LRRC43: variants seen among roughly 807,000 people sequenced by gnomAD.
LRRC43 encodes leucine rich repeat containing 43.
A neutral mutation model predicts 64.3 loss-of-function variants in LRRC43; 62 were observed. The observed-to-expected ratio is 0.96, with a 90% confidence interval of 0.79 to 1.19. The LOEUF is 1.19. LRRC43 is among the 50% of genes most tolerant of loss of function. The pLI is 0.00. For synonymous variants in LRRC43, 422 were observed against 382.3 expected, an observed-to-expected ratio of 1.10 and a Z score of -1.21; for missense variants, 868 against 845.0, an observed-to-expected ratio of 1.03 and a Z score of -0.34.
At position 122,191,383 on chromosome 12, in the gene LRRC43, T is replaced by A. The variant is rs1374110402; in HGVS notation, c.905T>A (p.Leu302His). The part of the protein sequence containing the change: ...LFRGLSLNGD[L>H]LAQEAQFVVT... ...TCCTGCCCATTCCTCCCTGCAGATC[T>A]CTTGGCACAGGAGGCGCAGTTTGTG... Residue 302 changes from leucine to histidine, a missense_variant, in exon 6 of 12, where the codon CTC becomes CAC. By Grantham distance (99) the Leu-to-His change is moderately conservative (BLOSUM62 -3). Coordinates refer to ENST00000339777, the MANE Select transcript of LRRC43 (RefSeq NM_001098519.2). 1 of 1,609,912 alleles carries A rather than the reference T, an allele frequency of 6.2e-7. No homozygotes were observed. The highest frequency in any genetic ancestry group is 2.2e-5 in the East Asian group (1 of 44,680).
At chr12:122,194,299 T>TTGTGGCTCA (rs1267561388) in intron 7 of LRRC43, among the ~76,000 whole-genome samples, 1 of 151,866 alleles carries the variant, frequency 6.6e-6, no homozygotes, top group African/African-American at 2.4e-5. Context: ...TGATTTACTG[T>TTGTGGCTCA]TGTGGCTCAT....
chr12:122,181,244 T>G (rs534361984), upstream of LRRC43, among the ~76,000 whole-genome samples: 3 of 151,746 alleles, frequency 2.0e-5, 1 homozygote, highest in East Asian at 5.9e-4. Context: ...ATTTTCTTCT[T>G]TGAAAGGACA....
At position 122,203,305 on chromosome 12, in the gene LRRC43, AT is replaced by A; in HGVS notation, c.1844-6del. ...TCCCGGGGCTCATGCTCGCACTTAA[AT>A]TTTCTCAGAAAAGCCGAAAGCCGTG... On this transcript the variant is annotated splice_polypyrimidine_tract_variant and intron_variant, in intron 11 of 11. Coordinates refer to ENST00000339777, the MANE Select transcript of LRRC43 (RefSeq NM_001098519.2). 2 of 1,609,916 alleles carry A rather than the reference AT, an allele frequency of 1.2e-6. No homozygotes were observed. Among genetic ancestry groups the A allele is most frequent in the Non-Finnish European group, 1.7e-6 (2 of 1,179,516 alleles).
chr12:122,182,931 A>G (rs1394009197), upstream of LRRC43: 1 of 665,280 alleles, frequency 1.5e-6, no homozygotes, highest in Admixed American at 3.7e-5. Context: ...CAGGTCAGCT[A>G]TGGCGCTTAC....
At chr12:122,171,876 A>C (rs1450063109) in intron 1 of LRRC43, among the ~76,000 whole-genome samples, 1 of 152,036 alleles carries the variant, frequency 6.6e-6, no homozygotes, top group Non-Finnish European at 1.5e-5. Context: ...GCTCAGGGTC[A>C]TTATTTTTTA....
rs1392104723 is a variant in LRRC43 at position 122,184,488 on chromosome 12, C to G, written c.151-31C>G. Reference sequence around the variant, plus strand: ...GTGTCCTTAAGGGGGCTGTGTCACACCTACAGAAAATCCCTCCTCTGCCAC... The same window carrying G: ...GTGTCCTTAAGGGGGCTGTGTCACAGCTACAGAAAATCCCTCCTCTGCCAC... On this transcript the variant is annotated intron_variant, in intron 1 of 11. Transcript: ENST00000339777. The surrounding 1 kb of genome is among the most constrained non-coding windows in gnomAD (Gnocchi z 4.0). The G allele has an allele frequency of 1.9e-6, 3 of 1,607,628 alleles. No homozygotes were observed. The highest frequency in any genetic ancestry group is 2.7e-5 in the African/African-American group (2 of 74,794).
chr12:122,194,938 A>G (rs1034614697), intron 7 of LRRC43, among the ~76,000 whole-genome samples: 4 of 152,238 alleles, frequency 2.6e-5, no homozygotes, highest in African/African-American at 9.6e-5. Context: ...GACAAGAAAT[A>G]TATGACTATA....
intron 1 of LRRC43, among the ~76,000 whole-genome samples, chr12:122,171,466 A>G (rs114395569): frequency 0.011 from 1,693 of 152,214 alleles, 29 homozygotes; most frequent in African/African-American, 0.039. Flanking sequence ...GGCTCAAGCA[A>G]TCCTCCCACC....
chr12:122,189,926 G>T, intron 4 of LRRC43: 1 of 631,864 alleles, frequency 1.6e-6, no homozygotes, highest in Non-Finnish European at 2.8e-6. Flanking sequence ...AACTGTGAGG[G>T]TGGCAGTGCT....
rs1483618333 is a variant in LRRC43, at chr12:122,200,036, C to A, written c.1350-153C>A. On this transcript the variant is annotated intron_variant, in intron 7 of 11. Transcript: ENST00000339777. This position sits in a 1 kb window ranked among gnomAD's most constrained non-coding sequence, Gnocchi z 4.6. ...CCTTTCTGGCCTTCTGGTCCCCTTG[C>A]CCTGCCTGGTGGCAGCCGGACCTCA... Among the ~76,000 whole-genome samples, 2 of 152,218 alleles carry A rather than the reference C, an allele frequency of 1.3e-5. No homozygotes were observed. The highest frequency in any genetic ancestry group is 2.9e-5 in the Non-Finnish European group (2 of 68,038).
At chr12:122,183,793 T>A (rs1953609282) in intron 1 of LRRC43, among the ~76,000 whole-genome samples, 1 of 152,078 alleles carries the variant, frequency 6.6e-6, no homozygotes, top group South Asian at 2.1e-4. Context: ...CGCCCAGGTG[T>A]GGCCCAGGAA....
chr12:122,174,332 CA>C, intron 1 of LRRC43: 1 of 827,888 alleles, frequency 1.2e-6, no homozygotes, highest in Non-Finnish European at 2.0e-6. Flanking sequence ...AGAAAACACT[CA>C]AAAGTTCTAC....
chr12:122,188,767 C>G (rs1263410251), intron 4 of LRRC43, among the ~76,000 whole-genome samples: 2 of 152,186 alleles, frequency 1.3e-5, no homozygotes, highest in Non-Finnish European at 2.9e-5. Context: ...AGGAGGGTTG[C>G]TCACCTTGGG....
In LRRC43 at chr12:122,172,973, G is replaced by C. The variant is rs756979541; in HGVS notation, c.-406+5191G>C. 4.6e-5 allele frequency among the ~76,000 whole-genome samples: 7 copies of C among 152,116 alleles called. No homozygotes were observed. The East Asian group carries it at 1.3e-3, about 29-fold the overall frequency. On this transcript the variant is annotated intron_variant, in intron 1 of 5. Coordinates refer to the LRRC43 transcript ENST00000537729. ...AGAACCACTGATCCATCCAGCTGAG[G>C]CCTCCCAGCCTTCCAGAACCCACTC...
intron 1 of LRRC43, chr12:122,172,739 C>T: frequency 6.2e-7 from 1 of 1,604,266 alleles, no homozygotes; most frequent in Non-Finnish European, 8.5e-7. Context: ...TCTCTTCCTC[C>T]ACCTGTGGAA....
chr12:122,195,127 AAGTC>A (rs1166538454), intron 7 of LRRC43, among the ~76,000 whole-genome samples: 1 of 152,078 alleles, frequency 6.6e-6, no homozygotes, highest in Non-Finnish European at 1.5e-5. Context: ...ACTGGCAACA[AAGTC>A]AGTTTTTTCT....
intron 1 of LRRC43, among the ~76,000 whole-genome samples, chr12:122,170,926 G>C (rs1315527473): frequency 2.0e-5 from 3 of 152,188 alleles, no homozygotes; most frequent in African/African-American, 4.8e-5. Context: ...CGATTCAGTA[G>C]GTCTGGGGTG....
At chr12:122,183,102 C>A, upstream of LRRC43, 1 of 1,516,118 alleles carries the variant, frequency 6.6e-7, no homozygotes, top group South Asian at 1.2e-5. Context: ...CCCCTGCCCC[C>A]GCGCACGCGT....
rs1454432468 is a variant in LRRC43 at position 122,200,994 on chromosome 12, C to G, written c.1809+60C>G. 1 of 1,525,044 alleles carries G rather than the reference C, an allele frequency of 6.6e-7. No homozygotes were observed. The highest frequency in any genetic ancestry group is 1.4e-5 in the African/African-American group (1 of 72,100). The allele number at this position is 1,525,044 out of a possible 1,614,324, so 94.5% of individuals were successfully genotyped here. Reference sequence around the variant, plus strand: ...GCCTTCGCCCTCCCCATGGGAACCCCGCGGGCAAGCAAGGGCTGTGGGCCC... The same window carrying G: ...GCCTTCGCCCTCCCCATGGGAACCCGGCGGGCAAGCAAGGGCTGTGGGCCC... On this transcript the variant is annotated intron_variant, in intron 10 of 11. Transcript: ENST00000339777. This position sits in a 1 kb window ranked among gnomAD's most constrained non-coding sequence, Gnocchi z 4.6.
Sources: allele counts gnomAD v4.1 joint callset (sites outside exome capture counted in the v4.1 genomes callset), GRCh38; gene constraint gnomAD v4.1.1; non-coding constraint Gnocchi (gnomAD v3.1); transcripts MANE v1.5; gene names NCBI Gene and HGNC (gene_info 2026-07-23, HGNC 2026-07-21).